KIF26B: variants seen among roughly 807,000 people sequenced by gnomAD.
KIF26B encodes kinesin-like protein KIF26B.
Under a neutral mutation model 151.2 loss-of-function variants are expected in KIF26B, and 63 were observed. That is an observed-to-expected ratio of 0.42 (90% confidence interval 0.34 to 0.51). The LOEUF (loss-of-function observed/expected upper bound fraction) is 0.51. KIF26B is among the 20% of genes least tolerant of loss of function. The probability of loss-of-function intolerance (pLI) is 0.07; values close to 1 mark genes in which losing one functional copy is unlikely to be tolerated. For synonymous variants in KIF26B, 1,357 were observed against 1,262.1 expected, an observed-to-expected ratio of 1.08 and a Z score of -1.59; for missense variants, 2,813 against 2,913.6, an observed-to-expected ratio of 0.97 and a Z score of 0.79.
At chr1:245,701,658 TCAAGG>T (rs1409330027) in intron 14 of KIF26B, among the ~76,000 whole-genome samples, 6 of 152,224 alleles carry the variant, frequency 3.9e-5, no homozygotes, top group South Asian at 4.1e-4. Context: ...TCACAGCAAC[TCAAGG>T]CAGGCAGGGC....
intron 9 of KIF26B, among the ~76,000 whole-genome samples, chr1:245,640,603 T>C (rs2043882317): frequency 6.6e-6 from 1 of 152,082 alleles, no homozygotes; most frequent in Non-Finnish European, 1.5e-5. Context: ...CTTCCTTTCT[T>C]ATTTTTGTGG....
chr1:245,385,444 G>T (rs939530853), intron 3 of KIF26B, among the ~76,000 whole-genome samples: 6 of 152,160 alleles, frequency 3.9e-5, no homozygotes, highest in African/African-American at 1.4e-4. Context: ...CATGGATGCC[G>T]TAAACACATC....
chr1:245,566,035 G>A (rs999853766), intron 5 of KIF26B, among the ~76,000 whole-genome samples: 1 of 152,216 alleles, frequency 6.6e-6, no homozygotes, highest in African/African-American at 2.4e-5. Context: ...CTGAGCGAGA[G>A]CTCACTGATC....
rs1012856703 is a variant in KIF26B, at chr1:245,218,570, G to A, written c.465+61887G>A. On this transcript the variant is annotated intron_variant, in intron 2 of 14. Transcript: ENST00000407071. The surrounding 1 kb of genome is among the most constrained non-coding windows in gnomAD (Gnocchi z 4.1). ...AACTCTCTATGGAAGAACAAGAACCGAGGTGTCTCTTCTGCCCCATTTCTA... is the reference window on the plus strand; with the variant it reads ...AACTCTCTATGGAAGAACAAGAACCAAGGTGTCTCTTCTGCCCCATTTCTA... Among the ~76,000 whole-genome samples the A allele has an allele frequency of 5.3e-5, 8 of 152,120 alleles. No individual in the cohort carries two copies. The highest frequency in any genetic ancestry group is 3.3e-4 in the Admixed American group (5 of 15,262).
chr1:245,294,855 G>T (rs1671311831), intron 2 of KIF26B, among the ~76,000 whole-genome samples: 1 of 152,144 alleles, frequency 6.6e-6, no homozygotes. Flanking sequence ...TAGAGATGGG[G>T]TTTCACGATG....
intron 2 of KIF26B, among the ~76,000 whole-genome samples, chr1:245,249,858 G>T (rs1337437558): frequency 6.6e-6 from 1 of 152,118 alleles, no homozygotes; most frequent in African/African-American, 2.4e-5. Context: ...GTCCAGGACA[G>T]GTTAGAATAA....
At chr1:245,175,944 AT>A (rs1668797373) in intron 2 of KIF26B, among the ~76,000 whole-genome samples, 1 of 122,790 alleles carries the variant, frequency 8.1e-6, no homozygotes, top group African/African-American at 3.5e-5. Context: ...ATGTCTATAT[AT>A]ATAGATATCT....
At chr1:245,321,274 G>T (rs1255810631) in intron 2 of KIF26B, among the ~76,000 whole-genome samples, 1 of 152,176 alleles carries the variant, frequency 6.6e-6, no homozygotes, top group Non-Finnish European at 1.5e-5. Context: ...ACCATGTTGA[G>T]CCTTGATGTG....
intron 2 of KIF26B, among the ~76,000 whole-genome samples, chr1:245,268,741 C>T (rs1022839512): frequency 6.6e-6 from 1 of 152,002 alleles, no homozygotes; most frequent in Non-Finnish European, 1.5e-5. Context: ...TCCAGTCATC[C>T]CTGGTTAAAT....
At chr1:245,339,500 A>G (rs1038477530) in intron 2 of KIF26B, among the ~76,000 whole-genome samples, 1 of 152,188 alleles carries the variant, frequency 6.6e-6, no homozygotes, top group Non-Finnish European at 1.5e-5. Context: ...TCATTAAGGA[A>G]GACAAGTTTC....
chr1:245,196,147 T>A (rs1448038088), intron 2 of KIF26B, among the ~76,000 whole-genome samples: 2 of 152,194 alleles, frequency 1.3e-5, no homozygotes, highest in Non-Finnish European at 2.9e-5. Context: ...ATGGTGTCCC[T>A]GTAGGAAGAC....
At chr1:245,206,438 T>C (rs1669407841) in intron 2 of KIF26B, 1 of 152,108 alleles carries the variant, frequency 6.6e-6, no homozygotes, top group African/African-American at 2.4e-5. Flanking sequence ...GGAAAGGGAG[T>C]GGGGATAGAA....
chr1:245,420,493 G>A (rs1189668777), intron 4 of KIF26B, among the ~76,000 whole-genome samples: 1 of 152,146 alleles, frequency 6.6e-6, no homozygotes, highest in Non-Finnish European at 1.5e-5. Context: ...AAACCGGATT[G>A]CTCTACATTT....
rs538143682 is a variant in KIF26B, at chr1:245,331,893, A to G, written c.466-34941A>G. Among the ~76,000 whole-genome samples the G allele has an allele frequency of 2.3e-4, 35 of 152,038 alleles. No individual in the cohort carries two copies. The South Asian group carries it at 7.3e-3, about 32-fold the overall frequency. On this transcript the variant is annotated intron_variant, in intron 2 of 14. Transcript: ENST00000407071. Reference sequence around the variant, plus strand: ...TGTAATCCCAGCACTTTGGGAGGCGAGGTGGGCAGATCACTTGAGGTCAGG... The same window carrying G: ...TGTAATCCCAGCACTTTGGGAGGCGGGGTGGGCAGATCACTTGAGGTCAGG...
At chr1:245,609,559 A>G (rs1486706312) in intron 8 of KIF26B, 31 bp downstream of exon 8, 1 of 1,483,160 alleles carries the variant, frequency 6.7e-7, no homozygotes, top group East Asian at 2.4e-5. Context: ...GCTCGCCCCA[A>G]GGTGGCTCCC....
rs541414148 is a variant in KIF26B at position 245,279,869 on chromosome 1, A to AT, written c.466-86957dup. ...TTAAAACTCATTATACCTTTGCTTCATTTTTTTTAGCTTGACTCCCTCGTA... is the reference window on the plus strand; with the variant it reads ...TTAAAACTCATTATACCTTTGCTTCATTTTTTTTTAGCTTGACTCCCTCGTA... On this transcript the variant is annotated intron_variant, in intron 2 of 14. Coordinates refer to ENST00000407071, the MANE Select transcript of KIF26B (RefSeq NM_018012.4). 4.1e-4 allele frequency among the ~76,000 whole-genome samples: 62 copies of AT among 151,634 alleles called. 1 individual carries two copies. The highest frequency in any genetic ancestry group is 1.3e-3 in the African/African-American group (54 of 41,352).
At chr1:245,657,122 G>A (rs977839015) in intron 10 of KIF26B, among the ~76,000 whole-genome samples, 2 of 121,956 alleles carry the variant, frequency 1.6e-5, no homozygotes, top group South Asian at 2.4e-4. Context: ...ACTCCCTACC[G>A]ATGAGATCAA....
rs975519323 is a variant in KIF26B, at chr1:245,227,525, C to T, written c.465+70842C>T. Among the ~76,000 whole-genome samples, 1 of 152,154 alleles carries T rather than the reference C, an allele frequency of 6.6e-6. No homozygotes were observed. The highest frequency in any genetic ancestry group is 6.6e-5 in the Admixed American group (1 of 15,264). ...GTCTGTCATGTGGATTCCTCACGGG[C>T]AGAGATACTACCCTCTGAGCTTGCT... On this transcript the variant is annotated intron_variant, in intron 2 of 14. Transcript: ENST00000407071. This position sits in a 1 kb window ranked among gnomAD's most constrained non-coding sequence, Gnocchi z 4.1.
chr1:245,532,218 T>TTTTTCTTTTCTTTTCTTTTC (rs543766882), intron 4 of KIF26B, among the ~76,000 whole-genome samples: 272 of 145,242 alleles, frequency 1.9e-3, no homozygotes, highest in African/African-American at 7.1e-3. Flanking sequence ...GGAAAATTCT[T>TTTTTCTTTTCTTTTCTTTTC]TTTTCTTTTC....
Sources: gnomAD v4.1 joint callset for allele counts (sites outside exome capture counted in the v4.1 genomes callset) on GRCh38, gnomAD v4.1.1 for gene constraint, Gnocchi (gnomAD v3.1) non-coding constraint, MANE v1.5 for transcripts, NCBI Gene and HGNC (gene_info 2026-07-23, HGNC 2026-07-21) for gene names.